TRAF3: variants seen among roughly 807,000 people sequenced by gnomAD.
TRAF3 encodes TNF receptor associated factor 3.
In TRAF3, 13 loss-of-function variants were observed where a neutral mutation model predicts 62.3. The ratio of observed to expected loss-of-function variants is 0.21; its 90% CI spans 0.14 to 0.33. TRAF3 has a LOEUF of 0.33. Ranked by LOEUF, TRAF3 falls within the 10% of genes least tolerant of loss-of-function variation. TRAF3 has a pLI of 1.00. For missense variants in TRAF3, 440 were observed against 741.8 expected (o/e 0.59, Z 4.73); for synonymous variants, 269 against 283.4 (o/e 0.95, Z 0.51).
chr14:102,781,649 CAG>C (rs761727351), intron 1 of TRAF3, among the ~76,000 whole-genome samples: 85 of 152,172 alleles, frequency 5.6e-4, no homozygotes, highest in African/African-American at 8.4e-4. Flanking sequence ...TTATTTGAAA[CAG>C]GGGCTCACTC....
At chr14:102,786,548 G>A (rs1410281688) in intron 1 of TRAF3, among the ~76,000 whole-genome samples, 3 of 152,152 alleles carry the variant, frequency 2.0e-5, no homozygotes, top group South Asian at 2.1e-4. Flanking sequence ...TTAGCCGGGC[G>A]TGGTGGCACA....
intron 1 of TRAF3, among the ~76,000 whole-genome samples, chr14:102,802,333 T>TG: frequency 6.9e-6 from 1 of 144,020 alleles, no homozygotes; most frequent in Non-Finnish European, 1.5e-5. Context: ...TTTTTGTATT[T>TG]TTAGTAGAGA....
Position 102,871,903 on chromosome 14 carries a change from G to C in TRAF3, c.246-14G>C. ...GACTTCCACTCTAATGCAGTCACTT[G>C]TGTTTCCCTGCAGCTCTTCAAGTCC... On this transcript the variant is annotated splice_polypyrimidine_tract_variant and intron_variant, in intron 3 of 11. Transcript: ENST00000392745. The C allele has an allele frequency of 6.2e-7, 1 of 1,613,814 alleles. No homozygotes were observed. The highest frequency in any genetic ancestry group is 8.5e-7 in the Non-Finnish European group (1 of 1,179,702).
At chr14:102,799,915 C>T (rs1898292114) in intron 1 of TRAF3, among the ~76,000 whole-genome samples, 1 of 152,110 alleles carries the variant, frequency 6.6e-6, no homozygotes, top group Admixed American at 6.5e-5. Context: ...CTGTGATCCC[C>T]AGAACCTGGG....
chr14:102,873,908 G>A (rs1247237879), intron 4 of TRAF3, among the ~76,000 whole-genome samples: 1 of 152,142 alleles, frequency 6.6e-6, no homozygotes, highest in East Asian at 1.9e-4. Flanking sequence ...AGAGCAACAG[G>A]CAGGAGTTTC....
intron 3 of TRAF3, among the ~76,000 whole-genome samples, chr14:102,871,042 C>T (rs1207467383): frequency 6.6e-6 from 1 of 152,230 alleles, no homozygotes; most frequent in African/African-American, 2.4e-5. Context: ...ATTCACCCTG[C>T]AGGCCTCATG....
intron 2 of TRAF3, among the ~76,000 whole-genome samples, chr14:102,860,798 C>A (rs1887635209): frequency 6.6e-6 from 1 of 152,220 alleles, no homozygotes; most frequent in Non-Finnish European, 1.5e-5. Flanking sequence ...CCAGAAGGAG[C>A]CCAGAGCAGT....
rs1204683856 is a variant in TRAF3 at position 102,777,554 on chromosome 14, CGG to C, written c.-277_-276del. ...GGGACTTTCCAGCCGGCGGCAGCCGCGGCGGCCGCCGGCTCTTCCCCGCCCCC... is the reference window on the plus strand; with the variant it reads ...GGGACTTTCCAGCCGGCGGCAGCCGCCGGCCGCCGGCTCTTCCCCGCCCCC... On this transcript the variant is annotated 5_prime_UTR_variant, in exon 1 of 12. Coordinates refer to ENST00000392745, the MANE Select transcript of TRAF3 (RefSeq NM_145725.3). 6.9e-6 allele frequency: 1 copy of C among 144,578 alleles called. No homozygotes were observed. The highest frequency in any genetic ancestry group is 2.5e-5 in the African/African-American group (1 of 40,346). 9.0% of individuals were successfully genotyped at this position (144,578 alleles called of 1,614,324 possible). A position where few individuals can be genotyped will look rare whatever the true frequency, so the allele number is the denominator to read the frequency against.
intron 10 of TRAF3, among the ~76,000 whole-genome samples, chr14:102,899,587 T>C (rs763042768): frequency 6.6e-6 from 1 of 152,318 alleles, no homozygotes; most frequent in East Asian, 1.9e-4. Flanking sequence ...TTTCTCCTGC[T>C]TCCCTTCCTG....
chr14:102,785,123 T>A (rs1193657738), intron 1 of TRAF3, among the ~76,000 whole-genome samples: 1 of 152,220 alleles, frequency 6.6e-6, no homozygotes, highest in African/African-American at 2.4e-5. Context: ...TCTAAACTTC[T>A]TAGTTTTGCT....
intron 6 of TRAF3, chr14:102,876,813 T>G: frequency 2.3e-6 from 1 of 437,622 alleles, no homozygotes; most frequent in Non-Finnish European, 4.2e-6. Context: ...TCCGCTCAAT[T>G]CGTAGATAAT....
At position 102,865,562 on chromosome 14, in the gene TRAF3, C is replaced by T. The variant is rs149059331; in HGVS notation, c.-17-4623C>T. Among the ~76,000 whole-genome samples, 277 of 149,908 alleles carry T rather than the reference C, an allele frequency of 1.8e-3. 2 individuals are homozygous for T. Among genetic ancestry groups the T allele is most frequent in the African/African-American group, 6.1e-3 (247 of 40,526 alleles). ...TCACCGAGGCTGGAGTGCAGTGGCA[C>T]GATCTCGGGTCACTGAAACCTCTGC... On this transcript the variant is annotated intron_variant, in intron 2 of 11. Coordinates refer to ENST00000392745, the MANE Select transcript of TRAF3 (RefSeq NM_145725.3).
chr14:102,792,113 CTTT>C (rs35895214), intron 1 of TRAF3, among the ~76,000 whole-genome samples: 1 of 97,690 alleles, frequency 1.0e-5, no homozygotes, highest in East Asian at 2.8e-4. Context: ...TGTGCCTGGA[CTTT>C]TTTTTTTTTT....
chr14:102,800,210 G>A (rs756038328), intron 1 of TRAF3, among the ~76,000 whole-genome samples: 3 of 152,200 alleles, frequency 2.0e-5, no homozygotes, highest in Non-Finnish European at 4.4e-5. Context: ...GAGTGCTGAT[G>A]CCCTGCTGGA....
Position 102,870,549 on chromosome 14 carries a change from C to G in TRAF3, c.245+103C>G, listed in dbSNP as rs1888280969. 2.0e-6 allele frequency: 3 copies of G among 1,471,890 alleles called. No individual in the cohort carries two copies. In the Admixed American group the frequency reaches 6.2e-5, roughly 30 times the overall value. 91.2% of individuals were successfully genotyped at this position (1,471,890 alleles called of 1,614,324 possible). On this transcript the variant is annotated intron_variant, in intron 3 of 11. Transcript: ENST00000392745. ...AAAATAAACCTCTAGAGGTTTAAAGCCCTAAAGAAGTCCATAAAAGCCTCC... is the reference window on the plus strand; with the variant it reads ...AAAATAAACCTCTAGAGGTTTAAAGGCCTAAAGAAGTCCATAAAAGCCTCC...
chr14:102,803,418 C>A (rs12436513), intron 1 of TRAF3, among the ~76,000 whole-genome samples: 76,964 of 151,902 alleles, frequency 0.51, 22,217 homozygotes, highest in South Asian at 0.74. Flanking sequence ...TGGGCAGTTA[C>A]CTTCCGTGTG....
intron 2 of TRAF3, among the ~76,000 whole-genome samples, chr14:102,857,327 CAT>C (rs1038635591): frequency 6.6e-6 from 1 of 152,174 alleles, no homozygotes; most frequent in Non-Finnish European, 1.5e-5. Context: ...GTTCCTGAAA[CAT>C]AATTTATTTT....
intron 6 of TRAF3, among the ~76,000 whole-genome samples, chr14:102,880,560 A>G (rs1296506789): frequency 2.0e-5 from 3 of 152,252 alleles, no homozygotes; most frequent in African/African-American, 7.2e-5. Context: ...CGATTCCTCA[A>G]AGATCTAGAG....
rs533103187 is a variant in TRAF3 at position 102,795,577 on chromosome 14, A to G, written c.-157+17902A>G. On this transcript the variant is annotated intron_variant, in intron 1 of 11. Coordinates refer to ENST00000392745, the MANE Select transcript of TRAF3 (RefSeq NM_145725.3). ...ATATACACACACATATATACATGAT[A>G]TGTATGCATGATATGTATATATGTG... Among the ~76,000 whole-genome samples, 10 of 62,312 alleles carry G rather than the reference A, an allele frequency of 1.6e-4. No individual in the cohort carries two copies. The East Asian group carries it at 4.8e-3, about 30-fold the overall frequency. 40.9% of individuals were successfully genotyped at this position (62,312 alleles called of 152,430 possible). A position where few individuals can be genotyped will look rare whatever the true frequency, so the allele number is the denominator to read the frequency against.
Sources: allele counts gnomAD v4.1 joint callset (sites outside exome capture counted in the v4.1 genomes callset), GRCh38; gene constraint gnomAD v4.1.1; transcripts MANE v1.5; gene names NCBI Gene and HGNC (gene_info 2026-07-23, HGNC 2026-07-21).